MTF2: variants seen among roughly 807,000 people sequenced by gnomAD.
The protein encoded by MTF2 is metal response element binding transcription factor 2.
Under a neutral mutation model 79.5 loss-of-function variants are expected in MTF2, and 11 were observed. The ratio of observed to expected loss-of-function variants is 0.14; its 90% CI spans 0.09 to 0.23. The LOEUF (loss-of-function observed/expected upper bound fraction) is 0.23, where lower values mean the gene tolerates loss of function less well. MTF2 is among the 10% of genes least tolerant of loss of function. MTF2 has a pLI of 1.00. For synonymous variants in MTF2, 208 were observed against 232.8 expected (o/e 0.89, Z 0.97); for missense variants, 486 against 711.2 (o/e 0.68, Z 3.60).
chr1:93,118,533 A>G, intron 7 of MTF2, 93 bp downstream of exon 7: 4 of 827,086 alleles, frequency 4.8e-6, no homozygotes, highest in Non-Finnish European at 7.3e-6. Flanking sequence ...GATAGTTTCA[A>G]CAGTGATTTG....
At position 93,079,360 on chromosome 1, in the gene MTF2, T is replaced by C; in HGVS notation, c.-167T>C. 1 of 774,626 alleles carries C rather than the reference T, an allele frequency of 1.3e-6. No individual in the cohort carries two copies. Among genetic ancestry groups the C allele is most frequent in the Non-Finnish European group, 2.2e-6 (1 of 455,080 alleles). The allele number at this position is 774,626 out of a possible 1,614,324, so 48.0% of individuals were successfully genotyped here. A position where few individuals can be genotyped will look rare whatever the true frequency, so the allele number is the denominator to read the frequency against. The stretch of plus-strand genomic sequence containing the variant: ...GAGGCCGGTGTAAGAACGCTCATTC[T>C]ACCCCCAACCCTTGTCTCCAAGGAC... On this transcript the variant is annotated 5_prime_UTR_variant, in exon 1 of 15. Transcript: ENST00000370298.
chr1:93,105,345 A>G (rs1437527444), intron 1 of MTF2, among the ~76,000 whole-genome samples: 1 of 152,096 alleles, frequency 6.6e-6, no homozygotes, highest in Non-Finnish European at 1.5e-5. Flanking sequence ...AATCAAGAGA[A>G]TTTAGTTATT....
intron 11 of MTF2, among the ~76,000 whole-genome samples, chr1:93,131,365 AT>A (rs1656911254): frequency 6.6e-6 from 1 of 152,204 alleles, no homozygotes; most frequent in African/African-American, 2.4e-5. Flanking sequence ...TCATTTTGTT[AT>A]TAGTGACCTT....
At chr1:93,081,956 T>A (rs2101008897) in intron 1 of MTF2, among the ~76,000 whole-genome samples, 1 of 152,350 alleles carries the variant, frequency 6.6e-6, no homozygotes, top group Non-Finnish European at 1.5e-5. Flanking sequence ...AGGAAATGCC[T>A]GAGAACTGAG....
At chr1:93,094,530 T>G (rs992885189) in intron 1 of MTF2, among the ~76,000 whole-genome samples, 1 of 152,242 alleles carries the variant, frequency 6.6e-6, no homozygotes, top group Non-Finnish European at 1.5e-5. Flanking sequence ...CCTCTTTTTT[T>G]CTGTGGAGTT....
chr1:93,093,009 T>C (rs1269348482), intron 1 of MTF2, among the ~76,000 whole-genome samples: 1 of 151,964 alleles, frequency 6.6e-6, no homozygotes, highest in African/African-American at 2.4e-5. Context: ...GGTGAAATCC[T>C]GTCTCTACTA....
chr1:93,079,699 G>A (rs1654518400), intron 1 of MTF2, among the ~76,000 whole-genome samples, 168 bp downstream of exon 1: 1 of 152,140 alleles, frequency 6.6e-6, no homozygotes, highest in Admixed American at 6.5e-5. Context: ...AAGAATGGAT[G>A]AAGAGGAGTA....
Position 93,136,735 on chromosome 1 carries a change from G to A in MTF2, c.1490G>A (p.Arg497Gln), listed in dbSNP as rs139375903. The A allele has an allele frequency of 4.5e-5, 73 of 1,613,994 alleles. No individual in the cohort carries two copies. The highest frequency in any genetic ancestry group is 5.1e-5 in the Non-Finnish European group (60 of 1,180,024). Residue 497 changes from arginine (R) to glutamine (Q), a missense_variant, in exon 15 of 15, where the codon CGG (arginine) becomes CAG (glutamine). Transcript: ENST00000370298. ...TGGCCTGCTGCAATACCACATTTGC[G>A]GAGAAGAAGAGGTCGTCTTCCAAGA... ...RSWPAAIPHL[R>Q]RRRGRLPRRA...
rs577973033 is a variant in MTF2, at chr1:93,114,958, A to T, written c.383-30A>T. On this transcript the variant is annotated intron_variant, in intron 4 of 14. Transcript: ENST00000370298. Reference sequence around the variant, plus strand: ...TGTGTTGAAAGTATTAATGAAACCGAATTTGCTTTATGCTTTTTTTGATAT... The same window carrying T: ...TGTGTTGAAAGTATTAATGAAACCGTATTTGCTTTATGCTTTTTTTGATAT... The T allele has an allele frequency of 1.1e-4, 170 of 1,498,446 alleles. 2 individuals are homozygous for T. In the South Asian group the frequency reaches 1.9e-3, roughly 17 times the overall value. The allele number at this position is 1,498,446 out of a possible 1,614,324, so 92.8% of individuals were successfully genotyped here.
rs1654496738 is a variant in MTF2, at chr1:93,079,356, A to G, written c.-171A>G. On this transcript the variant is annotated 5_prime_UTR_variant, in exon 1 of 15. Coordinates refer to ENST00000370298, the MANE Select transcript of MTF2 (RefSeq NM_007358.4). ...GTTTGAGGCCGGTGTAAGAACGCTC[A>G]TTCTACCCCCAACCCTTGTCTCCAA... The G allele has an allele frequency of 2.7e-6, 2 of 754,206 alleles. No individual in the cohort carries two copies. The highest frequency in any genetic ancestry group is 4.7e-5 in the Admixed American group (2 of 42,810). 46.7% of individuals were successfully genotyped at this position (754,206 alleles called of 1,614,324 possible).
chr1:93,093,196 T>A (rs570720727), intron 1 of MTF2, among the ~76,000 whole-genome samples: 17 of 151,594 alleles, frequency 1.1e-4, no homozygotes, highest in South Asian at 4.2e-4. Flanking sequence ...AAAAAAAAAA[T>A]TTAAAATAGT....
At chr1:93,114,605 T>A in intron 3 of MTF2, 83 bp from the exon 4 acceptor site, 1 of 929,142 alleles carries the variant, frequency 1.1e-6, no homozygotes. Context: ...TGCGCATATG[T>A]GCTGCTCACT....
intron 10 of MTF2, among the ~76,000 whole-genome samples, chr1:93,127,823 C>CT (rs11376100): frequency 1 from 149,322 of 149,864 alleles, 74,391 homozygotes; most frequent in South Asian, 1. Context: ...CTTATTTTTA[C>CT]TTTTTTTTTA....
chr1:93,134,226 T>C (rs1303734853), intron 14 of MTF2, 31 bp downstream of exon 14: 1 of 1,454,048 alleles, frequency 6.9e-7, no homozygotes. Context: ...TTTTTTTTAC[T>C]TTTTTTACTC....
At chr1:93,100,969 C>G (rs1401496499) in intron 1 of MTF2, among the ~76,000 whole-genome samples, 1 of 152,136 alleles carries the variant, frequency 6.6e-6, no homozygotes, top group Non-Finnish European at 1.5e-5. Context: ...ATGCTATTAA[C>G]CCACATATTT....
At chr1:93,083,786 T>C (rs1654714409) in intron 1 of MTF2, among the ~76,000 whole-genome samples, 1 of 152,224 alleles carries the variant, frequency 6.6e-6, no homozygotes, top group Admixed American at 6.5e-5. Flanking sequence ...TGAATTGGTA[T>C]TTCATTGTGG....
In MTF2 at chr1:93,130,335, T is replaced by C. The variant is rs950067422; in HGVS notation, c.1160+887T>C. Among the ~76,000 whole-genome samples the C allele has an allele frequency of 2.6e-5, 4 of 152,316 alleles. No individual in the cohort carries two copies. The East Asian group carries it at 7.7e-4, about 29-fold the overall frequency. ...GCTCACACCTGTAATCCTAGCACTT[T>C]GGGAGGCCGAGGCAGGTGGATCACC... On this transcript the variant is annotated intron_variant, in intron 11 of 14. Coordinates refer to ENST00000370298, the MANE Select transcript of MTF2 (RefSeq NM_007358.4).
At chr1:93,097,076 C>T (rs532183631) in intron 1 of MTF2, among the ~76,000 whole-genome samples, 9 of 152,094 alleles carry the variant, frequency 5.9e-5, no homozygotes, top group South Asian at 2.1e-4. Context: ...TCCCAAGGTG[C>T]TGGGATTACA....
At chr1:93,085,512 AGGG>A (rs1654801028) in intron 1 of MTF2, among the ~76,000 whole-genome samples, 1 of 117,440 alleles carries the variant, frequency 8.5e-6, no homozygotes, top group African/African-American at 3.2e-5. Flanking sequence ...TAAAAGAGAC[AGGG>A]TCTCTCTGTT....
Sources: gnomAD v4.1 joint callset for allele counts (sites outside exome capture counted in the v4.1 genomes callset) on GRCh38, gnomAD v4.1.1 for gene constraint, MANE v1.5 for transcripts, NCBI Gene and HGNC (gene_info 2026-07-23, HGNC 2026-07-21) for gene names.